Variants in ADARB2 observed in about 807,000 individuals in gnomAD.
ADARB2 encodes inactive double-stranded RNA-specific editase B2.
In ADARB2, 25 loss-of-function variants were observed where a neutral mutation model predicts 62.2. The observed-to-expected ratio is 0.40, with a 90% CI of 0.29 to 0.56. The LOEUF (loss-of-function observed/expected upper bound fraction) is 0.56. Among genes scored for constraint, ADARB2 ranks in the 20% least tolerant of loss-of-function variants. The pLI, the probability that ADARB2 is intolerant of heterozygous loss-of-function variation, is 0.43. For synonymous variants in ADARB2, 572 were observed against 500.8 expected (o/e 1.14, Z -1.90); for missense variants, 1,071 against 1,077.4 (o/e 0.99, Z 0.08).
intron 1 of ADARB2, among the ~76,000 whole-genome samples, chr10:1,714,125 A>G (rs538727184): frequency 6.6e-6 from 1 of 152,370 alleles, no homozygotes; most frequent in South Asian, 2.1e-4. Flanking sequence ...ACAAAAACCA[A>G]TGGACATTTC....
intron 4 of ADARB2, among the ~76,000 whole-genome samples, chr10:1,269,113 A>G (rs1197906908): frequency 1.4e-5 from 2 of 145,630 alleles, no homozygotes; most frequent in East Asian, 4.1e-4. Context: ...TCCCCTTTCT[A>G]CTCCCTCCCC....
At chr10:1,352,530 C>A (rs58536129) in intron 3 of ADARB2, among the ~76,000 whole-genome samples, 1 of 152,078 alleles carries the variant, frequency 6.6e-6, no homozygotes, top group Non-Finnish European at 1.5e-5. Context: ...CGTCCTGTAG[C>A]CTTTCTGTCC....
intron 3 of ADARB2, among the ~76,000 whole-genome samples, chr10:1,353,419 A>G (rs1167580786): frequency 6.6e-6 from 1 of 152,014 alleles, no homozygotes; most frequent in Non-Finnish European, 1.5e-5. Context: ...CAGACCGGGC[A>G]ACATCTCTTG....
Position 1,405,740 on chromosome 10 carries a change from T to C in ADARB2, c.101-26580A>G, listed in dbSNP as rs769273425. 2.0e-5 allele frequency among the ~76,000 whole-genome samples: 3 copies of C among 151,690 alleles called. No individual in the cohort carries two copies. The South Asian group carries it at 6.2e-4, about 32-fold the overall frequency. On this transcript the variant is annotated intron_variant, in intron 1 of 9. Coordinates refer to ENST00000381312, the MANE Select transcript of ADARB2 (RefSeq NM_018702.4). ...GCCTCTAAGAAGCTGTGCACCAAGA[T>C]ACACCCATTTATTAAACCCCCTAGA...
At chr10:1,226,261 C>G (rs1388884491) in intron 6 of ADARB2, among the ~76,000 whole-genome samples, 1 of 152,242 alleles carries the variant, frequency 6.6e-6, no homozygotes, top group Non-Finnish European at 1.5e-5. Flanking sequence ...TCAGCTCCAT[C>G]AGGTCCTTTA....
At chr10:1,613,850 G>A (rs191118725) in intron 1 of ADARB2, among the ~76,000 whole-genome samples, 76 of 152,332 alleles carry the variant, frequency 5.0e-4, no homozygotes, top group East Asian at 4.2e-3. Flanking sequence ...TTAAATGTGC[G>A]CGGGAAGCAC....
intron 1 of ADARB2, among the ~76,000 whole-genome samples, chr10:1,713,480 C>T: frequency 6.6e-6 from 1 of 152,300 alleles, no homozygotes; most frequent in African/African-American, 2.4e-5. Context: ...TTGATAAATA[C>T]AAACAGAGCT....
chr10:1,673,831 C>T (rs1834425586), intron 1 of ADARB2, among the ~76,000 whole-genome samples: 1 of 152,232 alleles, frequency 6.6e-6, no homozygotes, highest in African/African-American at 2.4e-5. Context: ...GGGCTGTGTG[C>T]CCACTCAGCC....
chr10:1,364,614 C>T (rs1392863210), intron 2 of ADARB2, among the ~76,000 whole-genome samples: 2 of 152,180 alleles, frequency 1.3e-5, no homozygotes, highest in African/African-American at 4.8e-5. Flanking sequence ...CACTACGGAA[C>T]GTGTACAGAC....
At position 1,704,195 on chromosome 10, in the gene ADARB2, G is replaced by A. The variant is rs1352355375; in HGVS notation, c.100+32856C>T. On this transcript the variant is annotated intron_variant, in intron 1 of 9. Coordinates refer to ENST00000381312, the MANE Select transcript of ADARB2 (RefSeq NM_018702.4). This position sits in a 1 kb window ranked among gnomAD's most constrained non-coding sequence, Gnocchi z 5.6. The stretch of plus-strand genomic sequence containing the variant: ...GAAGACAATTTTTCCATGGACTGGG[G>A]GCTGCAGGGATGGTTTCAGGATGAT... Among the ~76,000 whole-genome samples, 1 of 152,142 alleles carries A rather than the reference G, an allele frequency of 6.6e-6. No individual in the cohort carries two copies. Among genetic ancestry groups the A allele is most frequent in the Non-Finnish European group, 1.5e-5 (1 of 68,022 alleles).
chr10:1,501,708 T>C (rs1397562595), intron 1 of ADARB2, among the ~76,000 whole-genome samples: 1 of 152,212 alleles, frequency 6.6e-6, no homozygotes, highest in Non-Finnish European at 1.5e-5. Context: ...AAATGTAAAC[T>C]AGCCAGGGGA....
intron 1 of ADARB2, among the ~76,000 whole-genome samples, chr10:1,393,996 T>A (rs951971510): frequency 3.9e-5 from 6 of 152,334 alleles, no homozygotes; most frequent in South Asian, 2.1e-4. Flanking sequence ...GACATCATCC[T>A]CGTCCTTTCA....
intron 1 of ADARB2, among the ~76,000 whole-genome samples, chr10:1,410,835 C>T (rs914508635): frequency 4.1e-4 from 63 of 152,206 alleles, no homozygotes; most frequent in East Asian, 5.8e-4. Flanking sequence ...TGCCTTGAGA[C>T]GTCTGTGAGT....
chr10:1,660,704 A>T (rs1834235294), intron 1 of ADARB2, among the ~76,000 whole-genome samples: 2 of 152,122 alleles, frequency 1.3e-5, no homozygotes, highest in East Asian at 3.9e-4. Flanking sequence ...GTATCCATGG[A>T]CACCTGCCCA....
intron 1 of ADARB2, chr10:1,535,117 G>C (rs1166533151): frequency 6.0e-6 from 1 of 165,754 alleles, no homozygotes; most frequent in African/African-American, 2.4e-5. Context: ...GGATTTTGGT[G>C]ACACGCAACA....
rs1179722903 is a variant in ADARB2 at position 1,177,667 on chromosome 10, G to T, written c.*5526C>A. On this transcript the variant is annotated 3_prime_UTR_variant, in exon 10 of 10. Coordinates refer to ENST00000381312, the MANE Select transcript of ADARB2 (RefSeq NM_018702.4). Reference sequence around the variant, plus strand: ...GTGTGAAAAGAGGCACTGGGACCAGGTGATCTCGCCTTGGTGTTTAGGGAA... The same window carrying T: ...GTGTGAAAAGAGGCACTGGGACCAGTTGATCTCGCCTTGGTGTTTAGGGAA... 6.6e-6 allele frequency: 1 copy of T among 152,200 alleles called. No homozygotes were observed. Among genetic ancestry groups the T allele is most frequent in the Non-Finnish European group, 1.5e-5 (1 of 68,038 alleles). 9.4% of individuals were successfully genotyped at this position (152,200 alleles called of 1,614,324 possible).
chr10:1,687,171 A>G (rs1834608317), intron 1 of ADARB2, among the ~76,000 whole-genome samples: 1 of 151,608 alleles, frequency 6.6e-6, no homozygotes, highest in Non-Finnish European at 1.5e-5. Flanking sequence ...GGATTCAGGT[A>G]TGTGCCAACA....
chr10:1,360,074 C>T (rs1319598186), intron 3 of ADARB2, among the ~76,000 whole-genome samples: 2 of 152,266 alleles, frequency 1.3e-5, no homozygotes. Flanking sequence ...ACCATGGATC[C>T]AGACGTGGTT....
chr10:1,334,318 G>A (rs993672673), intron 3 of ADARB2, among the ~76,000 whole-genome samples: 17 of 152,148 alleles, frequency 1.1e-4, no homozygotes, highest in African/African-American at 3.9e-4. Context: ...TTTATCAAAC[G>A]CCCTGCTTGC....
Sources: gnomAD v4.1 joint callset for allele counts (sites outside exome capture counted in the v4.1 genomes callset) on GRCh38, gnomAD v4.1.1 for gene constraint, Gnocchi (gnomAD v3.1) non-coding constraint, MANE v1.5 for transcripts, NCBI Gene and HGNC (gene_info 2026-07-23, HGNC 2026-07-21) for gene names.